Variants in CPSF3 observed in about 807,000 individuals in gnomAD.
CPSF3 encodes cleavage and polyadenylation specificity factor subunit 3.
CPSF3 carries 57 observed loss-of-function variants against 84.1 expected under a neutral mutation model. The observed-to-expected ratio is 0.68, with a 90% CI of 0.55 to 0.85. The LOEUF (loss-of-function observed/expected upper bound fraction) is 0.85, where lower values mean the gene tolerates loss of function less well. CPSF3 is among the 40% of genes least tolerant of loss of function. The probability of loss-of-function intolerance (pLI) is 0.00; values close to 1 mark genes in which losing one functional copy is unlikely to be tolerated. For synonymous variants in CPSF3, 275 were observed against 278.1 expected (o/e 0.99, Z 0.11); for missense variants, 522 against 838.8 (o/e 0.62, Z 4.66).
intron 10 of CPSF3, 48 bp downstream of exon 10, chr2:9,443,709 T>C: frequency 2.5e-6 from 4 of 1,596,698 alleles, no homozygotes; most frequent in Middle Eastern, 1.7e-4. Context: ...AAAAAGTGCA[T>C]ACCCAGGAAA....
At chr2:9,430,397 AG>A (rs1680544563) in intron 3 of CPSF3, among the ~76,000 whole-genome samples, 1 of 152,222 alleles carries the variant, frequency 6.6e-6, no homozygotes, top group Non-Finnish European at 1.5e-5. Flanking sequence ...GAGTTCATAT[AG>A]AAAAATGTGA....
chr2:9,452,766 A>C, intron 11 of CPSF3, 147 bp from the exon 12 acceptor site: 1 of 619,948 alleles, frequency 1.6e-6, no homozygotes. Context: ...AGAGATATCA[A>C]ACATTTTATG....
intron 1 of CPSF3, among the ~76,000 whole-genome samples, chr2:9,425,836 A>G (rs1329098345): frequency 6.6e-6 from 1 of 152,192 alleles, no homozygotes; most frequent in Non-Finnish European, 1.5e-5. Flanking sequence ...TTATACAACC[A>G]TCACCTCTCT....
chr2:9,440,390 G>A (rs1011594065), intron 7 of CPSF3, 101 bp from the exon 8 acceptor site: 10 of 933,852 alleles, frequency 1.1e-5, no homozygotes, highest in Non-Finnish European at 1.6e-5. Context: ...TTATTTCTTG[G>A]TTGTATGTGT....
At chr2:9,426,989 C>T (rs916817164) in intron 1 of CPSF3, among the ~76,000 whole-genome samples, 2 of 151,836 alleles carry the variant, frequency 1.3e-5, no homozygotes, top group Non-Finnish European at 2.9e-5. Context: ...TGAGGAAGTA[C>T]AAGAGGGTCC....
intron 15 of CPSF3, among the ~76,000 whole-genome samples, chr2:9,463,692 C>A (rs60737264): frequency 0.069 from 10,526 of 152,274 alleles, 1,252 homozygotes; most frequent in African/African-American, 0.24. Flanking sequence ...ATTTATCGAA[C>A]TGACTTCTTC....
chr2:9,465,124 G>C (rs1218927328), intron 15 of CPSF3, among the ~76,000 whole-genome samples: 2 of 152,206 alleles, frequency 1.3e-5, no homozygotes, highest in African/African-American at 4.8e-5. Flanking sequence ...CCGTAGAGTA[G>C]ATTGAAATAG....
chr2:9,438,459 T>G (rs953218063), intron 7 of CPSF3, among the ~76,000 whole-genome samples: 2 of 151,834 alleles, frequency 1.3e-5, no homozygotes, highest in South Asian at 2.1e-4. Context: ...AAATAATGAA[T>G]AATGTTTTAG....
chr2:9,453,732 AAT>A (rs1190563884), intron 12 of CPSF3, among the ~76,000 whole-genome samples: 2 of 152,152 alleles, frequency 1.3e-5, no homozygotes, highest in African/African-American at 4.8e-5. Flanking sequence ...CTCTACTAAA[AAT>A]ACAAAAATTA....
Position 9,472,954 on chromosome 2 carries a change from C to T in CPSF3, c.1992C>T (p.Ser664=), listed in dbSNP as rs771144443. The T allele has an allele frequency of 3.1e-6, 5 of 1,613,578 alleles. No individual in the cohort carries two copies. The South Asian group carries it at 5.5e-5, about 18-fold the overall frequency. ...AAGAGGGAAGTGAAGACGATGAATC[C>T]CTCCGAGAAATGGTGGAGCTGGCTG... is the stretch of plus-strand genomic sequence containing the variant. ...ECEEGSEDDE[S]LREMVELAAQ... Residue 664 remains serine (S), a synonymous_variant, in exon 18 of 18, where the codon TCC becomes TCT. Transcript: ENST00000238112.
At position 9,436,282 on chromosome 2, in the gene CPSF3, C is replaced by T. The variant is rs144480741; in HGVS notation, c.681C>T (p.His227=). The change falls in exon 7 of 18, where the codon CAC becomes CAT. Residue 227 remains histidine (H), a synonymous_variant. Coordinates refer to ENST00000238112, the MANE Select transcript of CPSF3 (RefSeq NM_016207.4). ...AAGCAAGATTCTGTAACACTGTCCA[C>T]GATATTGTAAACAGAGGAGGCAGGG... ...EREARFCNTV[H]DIVNRGGRGL... The T allele has an allele frequency of 3.3e-5, 53 of 1,613,720 alleles. No homozygotes were observed. In the African/African-American group the frequency reaches 5.3e-4, roughly 16 times the overall value.
chr2:9,459,995 A>C (rs1004124989), intron 15 of CPSF3, among the ~76,000 whole-genome samples: 10 of 152,010 alleles, frequency 6.6e-5, no homozygotes, highest in Admixed American at 3.3e-4. Context: ...CTGTGAACTA[A>C]AAGGCAGTAC....
intron 11 of CPSF3, among the ~76,000 whole-genome samples, chr2:9,452,174 G>A (rs1681355401): frequency 6.6e-6 from 1 of 151,870 alleles, no homozygotes. Flanking sequence ...ACTAAAAATA[G>A]AAAAATTAGC....
chr2:9,431,548 T>C (rs572848185), intron 4 of CPSF3, among the ~76,000 whole-genome samples: 2 of 102,140 alleles, frequency 2.0e-5, no homozygotes, highest in African/African-American at 8.2e-5. Context: ...TTCTTTTTTT[T>C]TTTCTTTTTT....
At chr2:9,427,645 A>G (rs1680437310) in intron 1 of CPSF3, among the ~76,000 whole-genome samples, 1 of 152,204 alleles carries the variant, frequency 6.6e-6, no homozygotes, top group African/African-American at 2.4e-5. Context: ...GTTTGGGGAT[A>G]GATCCATTGC....
At chr2:9,447,200 A>G (rs1053692390) in intron 10 of CPSF3, among the ~76,000 whole-genome samples, 2 of 152,232 alleles carry the variant, frequency 1.3e-5, no homozygotes, top group African/African-American at 2.4e-5. Flanking sequence ...TTTTATTAGG[A>G]TAGGTACAGT....
intron 15 of CPSF3, among the ~76,000 whole-genome samples, chr2:9,462,139 C>T (rs1026530115): frequency 1.3e-5 from 2 of 152,070 alleles, no homozygotes; most frequent in African/African-American, 4.8e-5. Context: ...GGGTTAGGTG[C>T]GGAGAGCAGA....
At chr2:9,456,567 G>A (rs555848479) in intron 13 of CPSF3, among the ~76,000 whole-genome samples, 18 of 152,308 alleles carry the variant, frequency 1.2e-4, no homozygotes, top group African/African-American at 4.1e-4. Context: ...GAATGTTGAC[G>A]CTTACGAAGA....
At position 9,433,963 on chromosome 2, in the gene CPSF3, A is replaced by G. The variant is rs1680686333; in HGVS notation, c.609+3A>G. On this transcript the variant is annotated splice_donor_region_variant and intron_variant, in intron 6 of 17. Coordinates refer to ENST00000238112, the MANE Select transcript of CPSF3 (RefSeq NM_016207.4). The stretch of plus-strand genomic sequence containing the variant: ...TTAAGCCTGATATTCTTATCATTGT[A>G]AGTATTAATATACTATATTGTAATC... 1.4e-6 allele frequency: 2 copies of G among 1,481,058 alleles called. No individual in the cohort carries two copies. Among genetic ancestry groups the G allele is most frequent in the South Asian group, 1.1e-5 (1 of 87,374 alleles). 91.7% of individuals were successfully genotyped at this position (1,481,058 alleles called of 1,614,324 possible).
Sources: gnomAD v4.1 joint callset for allele counts (sites outside exome capture counted in the v4.1 genomes callset) on GRCh38, gnomAD v4.1.1 for gene constraint, MANE v1.5 for transcripts, NCBI Gene and HGNC (gene_info 2026-07-23, HGNC 2026-07-21) for gene names.